The following NUP35 variants were observed in gnomAD, a reference collection of about 807,000 sequenced individuals.
NUP35 encodes the protein nucleoporin 35.
Under a neutral mutation model 41.5 loss-of-function variants are expected in NUP35, and 25 were observed. That is an observed-to-expected ratio of 0.60 (90% CI 0.44 to 0.84). NUP35 has a LOEUF of 0.84. NUP35 is among the 40% of genes least tolerant of loss of function. The pLI is 0.00. For missense variants in NUP35, 396 were observed against 396.6 expected, an observed-to-expected ratio of 1.00 and a Z score of 0.01; for synonymous variants, 149 against 130.7, an observed-to-expected ratio of 1.14 and a Z score of -0.96.
At position 183,126,278 on chromosome 2, in the gene NUP35, C is replaced by A. The variant is rs189607612; in HGVS notation, c.40+1781C>A. Among the ~76,000 whole-genome samples, 4 of 152,352 alleles carry A rather than the reference C, an allele frequency of 2.6e-5. No homozygotes were observed. In the East Asian group the frequency reaches 7.7e-4, roughly 29 times the overall value. Reference sequence around the variant, plus strand: ...AACTGAGCTCGAGCGATCCACCTGCCTCGGCCTCCCAAAATCCTGGGATTA... The same window carrying A: ...AACTGAGCTCGAGCGATCCACCTGCATCGGCCTCCCAAAATCCTGGGATTA... On this transcript the variant is annotated intron_variant, in intron 1 of 8. Coordinates refer to ENST00000295119, the MANE Select transcript of NUP35 (RefSeq NM_138285.5).
intron 4 of NUP35, among the ~76,000 whole-genome samples, chr2:183,135,850 A>G (rs550006856): frequency 6.6e-6 from 1 of 152,176 alleles, no homozygotes; most frequent in African/African-American, 2.4e-5. Context: ...GTGACAGAAC[A>G]AGACCCTATC....
upstream of NUP35, chr2:183,124,399 T>G: frequency 6.2e-7 from 1 of 1,613,936 alleles, no homozygotes; most frequent in South Asian, 1.1e-5. Flanking sequence ...GGGGAGCGTT[T>G]CCGCCATTTT....
At chr2:183,158,696 G>A (rs546000352) in intron 7 of NUP35, among the ~76,000 whole-genome samples, 5 of 152,128 alleles carry the variant, frequency 3.3e-5, no homozygotes, top group African/African-American at 1.2e-4. Context: ...TAGATTTTAG[G>A]TCTCTTGACT....
At chr2:183,158,775 A>G (rs1344412609) in intron 7 of NUP35, among the ~76,000 whole-genome samples, 3 of 152,168 alleles carry the variant, frequency 2.0e-5, no homozygotes, top group Non-Finnish European at 4.4e-5. Flanking sequence ...GAATGGTACT[A>G]TTTCAGAATG....
Position 183,140,822 on chromosome 2 carries a change from C to CAAA in NUP35, c.397+7214_397+7216dup, listed in dbSNP as rs34256493. On this transcript the variant is annotated intron_variant, in intron 4 of 8. Transcript: ENST00000295119. ...TGGGCAACGAGAGCAAAACTCCATT[C>CAAA]AAAAAAAAAAAAAAAAAGGAAAATT... Among the ~76,000 whole-genome samples the CAAA allele has an allele frequency of 1.2e-3, 103 of 89,470 alleles. 1 individual carries two copies. The highest frequency in any genetic ancestry group is 7.8e-3 in the South Asian group (18 of 2,300). The allele number at this position is 89,470 out of a possible 152,430, so 58.7% of individuals were successfully genotyped here. A position where few individuals can be genotyped will look rare whatever the true frequency, so the allele number is the denominator to read the frequency against.
At chr2:183,159,945 C>A in intron 8 of NUP35, 1 of 261,770 alleles carries the variant, frequency 3.8e-6, no homozygotes, top group Non-Finnish European at 7.1e-6. Context: ...ATCCTGTGTG[C>A]ATCTTTGACA....
chr2:183,120,915 G>C (rs1337513684), upstream of NUP35, among the ~76,000 whole-genome samples: 1 of 152,054 alleles, frequency 6.6e-6, no homozygotes, highest in East Asian at 1.9e-4. Context: ...AGAGATGTTG[G>C]GTATAGATTA....
intron 3 of NUP35, 130 bp from the exon 4 acceptor site, chr2:183,133,436 G>A: frequency 1.6e-6 from 1 of 631,892 alleles, no homozygotes; most frequent in Non-Finnish European, 2.7e-6. Context: ...GAGTGCCTTT[G>A]TACTTTGAGC....
At chr2:183,141,353 G>T (rs747443557) in intron 4 of NUP35, among the ~76,000 whole-genome samples, 1 of 152,170 alleles carries the variant, frequency 6.6e-6, no homozygotes. Flanking sequence ...CACATAGATA[G>T]CATTTGCAGA....
At chr2:183,119,437 C>T (rs985446039) in intron 1 of NUP35, among the ~76,000 whole-genome samples, 12 of 151,932 alleles carry the variant, frequency 7.9e-5, no homozygotes, top group African/African-American at 2.2e-4. Context: ...AGAGATAAGA[C>T]GAATCAGAGT....
rs1275066002 is a variant in NUP35, at chr2:183,161,268, T to G, written c.*137T>G. 5 of 550,812 alleles carry G rather than the reference T, an allele frequency of 9.1e-6. No individual in the cohort carries two copies. In the South Asian group the frequency reaches 1.5e-4, roughly 17 times the overall value. The allele number at this position is 550,812 out of a possible 1,614,324, so 34.1% of individuals were successfully genotyped here. A position where few individuals can be genotyped will look rare whatever the true frequency, so the allele number is the denominator to read the frequency against. Reference sequence around the variant, plus strand: ...TCTTTTAGAAAGAAGCCTTTTTCATTAAGGATACAACCTATTTGTAGCTCG... The same window carrying G: ...TCTTTTAGAAAGAAGCCTTTTTCATGAAGGATACAACCTATTTGTAGCTCG... On this transcript the variant is annotated 3_prime_UTR_variant, in exon 9 of 9. Transcript: ENST00000295119.
intron 1 of NUP35, 100 bp downstream of exon 1, chr2:183,124,597 G>A: frequency 6.7e-7 from 1 of 1,490,974 alleles, no homozygotes; most frequent in East Asian, 2.3e-5. Context: ...TCGTCTGCTG[G>A]TTTCAGTCGC....
At chr2:183,129,002 C>G (rs564453794) in intron 2 of NUP35, among the ~76,000 whole-genome samples, 2 of 151,986 alleles carry the variant, frequency 1.3e-5, no homozygotes, top group Non-Finnish European at 1.5e-5. Context: ...ATTTCTGTGT[C>G]GGAGATGTCA....
chr2:183,148,309 T>A (rs1408296769), intron 4 of NUP35, among the ~76,000 whole-genome samples: 1 of 152,242 alleles, frequency 6.6e-6, no homozygotes, highest in Admixed American at 6.5e-5. Context: ...TCTTTTCGTT[T>A]GGTTAGATAC....
intron 4 of NUP35, among the ~76,000 whole-genome samples, chr2:183,151,132 G>A (rs1348332716): frequency 1.3e-5 from 2 of 152,198 alleles, no homozygotes; most frequent in Admixed American, 6.6e-5. Flanking sequence ...TGTTCTGTGG[G>A]TAATACATTT....
Position 183,161,035 on chromosome 2 carries a change from T to G in NUP35, c.904-19T>G, listed in dbSNP as rs1219067751. 33 of 1,601,250 alleles carry G rather than the reference T, an allele frequency of 2.1e-5. No homozygotes were observed. Among genetic ancestry groups the G allele is most frequent in the Middle Eastern group, 1.7e-4 (1 of 6,028 alleles). On this transcript the variant is annotated intron_variant, in intron 8 of 8. Transcript: ENST00000295119. ...GTAACAATAACCTAACCGTTTTTTTTGTGTGTGTTTTTTAATAGGTTATTT... is the reference window on the plus strand; with the variant it reads ...GTAACAATAACCTAACCGTTTTTTTGGTGTGTGTTTTTTAATAGGTTATTT...
chr2:183,139,239 C>T (rs1213618242), intron 4 of NUP35, among the ~76,000 whole-genome samples: 13 of 144,280 alleles, frequency 9.0e-5, no homozygotes, highest in African/African-American at 2.8e-4. Context: ...GAAAAGATCT[C>T]GCTGTCACCC....
rs149420481 is a variant in NUP35, at chr2:183,154,715, C to T, written c.540-2729C>T. Among the ~76,000 whole-genome samples the T allele has an allele frequency of 1.3e-3, 193 of 152,318 alleles. 1 individual carries two copies. Among genetic ancestry groups the T allele is most frequent in the African/African-American group, 4.4e-3 (183 of 41,572 alleles). On this transcript the variant is annotated intron_variant, in intron 5 of 8. Transcript: ENST00000295119. ...CACATTTTCTTCTGAGCTTTCCAAA[C>T]TGTTCCAACCTCTGCCTATTAGCCA... is the stretch of plus-strand genomic sequence containing the variant.
intron 4 of NUP35, among the ~76,000 whole-genome samples, chr2:183,135,514 CAAT>C (rs1486982331): frequency 6.6e-6 from 1 of 152,028 alleles, no homozygotes; most frequent in Non-Finnish European, 1.5e-5. Context: ...AGGTGGAAGA[CAAT>C]AAGGATGAGA....
Sources: allele counts gnomAD v4.1 joint callset (sites outside exome capture counted in the v4.1 genomes callset), GRCh38; gene constraint gnomAD v4.1.1; transcripts MANE v1.5; gene names NCBI Gene and HGNC (gene_info 2026-07-23, HGNC 2026-07-21).